The following UBE2D3 variants were observed in gnomAD, a reference collection of about 807,000 sequenced individuals.
UBE2D3 encodes the protein ubiquitin-conjugating enzyme E2 D3.
Under a neutral mutation model 22.8 loss-of-function variants are expected in UBE2D3, and 2 were observed. That is an observed-to-expected ratio of 0.09 (90% CI 0.04 to 0.28). The LOEUF (loss-of-function observed/expected upper bound fraction) is 0.28. Among genes scored for constraint, UBE2D3 ranks in the 10% least tolerant of loss-of-function variants. The pLI, the probability that UBE2D3 is intolerant of heterozygous loss-of-function variation, is 1.00. For missense variants in UBE2D3, 27 were observed against 182.5 expected (o/e 0.15, Z 4.91); for synonymous variants, 56 against 60.4 (o/e 0.93, Z 0.34).
chr4:102,814,251 CTT>C (rs1225050626), intron 2 of UBE2D3, among the ~76,000 whole-genome samples: 3 of 139,982 alleles, frequency 2.1e-5, no homozygotes, highest in Admixed American at 7.1e-5. Flanking sequence ...ATTTCAGAAG[CTT>C]TTTTTTTTTT....
chr4:102,803,539 T>C (rs1054783561), intron 4 of UBE2D3, among the ~76,000 whole-genome samples: 8 of 152,202 alleles, frequency 5.3e-5, no homozygotes, highest in African/African-American at 9.6e-5. Context: ...GTAAAATAAA[T>C]AAACATTAAT....
At chr4:102,837,715 G>C (rs1731488987) in intron 1 of UBE2D3, among the ~76,000 whole-genome samples, 1 of 152,172 alleles carries the variant, frequency 6.6e-6, no homozygotes, top group Non-Finnish European at 1.5e-5. Context: ...ACTTTGGGAG[G>C]CCAAGGCGGG....
intron 1 of UBE2D3, among the ~76,000 whole-genome samples, chr4:102,836,625 C>A (rs998707681): frequency 6.6e-6 from 1 of 152,168 alleles, no homozygotes; most frequent in Non-Finnish European, 1.5e-5. Flanking sequence ...GTGTTTTTTA[C>A]CACTTTATGG....
chr4:102,863,389 C>T (rs1320708580), intron 1 of UBE2D3, among the ~76,000 whole-genome samples: 1 of 152,018 alleles, frequency 6.6e-6, no homozygotes, highest in Admixed American at 6.6e-5. Flanking sequence ...CAGGAGCGAA[C>T]AGAGTAAGAA....
intron 2 of UBE2D3, among the ~76,000 whole-genome samples, chr4:102,820,741 A>AACAAACAAAACAAACAG (rs1729472340): frequency 6.6e-6 from 1 of 152,166 alleles, no homozygotes; most frequent in Non-Finnish European, 1.5e-5. Context: ...AAAACAAACA[A>AACAAACAAAACAAACAG]ACAAACAAAA....
In UBE2D3 at chr4:102,798,908, T is replaced by C. The variant is rs200698775; in HGVS notation, c.398+499A>G. 3.6e-4 allele frequency: 582 copies of C among 1,610,918 alleles called. 1 individual carries two copies. The African/African-American group carries it at 6.4e-3, about 18-fold the overall frequency. ...TGGCAGTACCATAATAAGCGCACCA[T>C]AGAGTGCAGATCCTCTTACCCTACA... On this transcript the variant is annotated intron_variant, in intron 7 of 7. Coordinates refer to ENST00000453744, the MANE Select transcript of UBE2D3 (RefSeq NM_181891.3).
At chr4:102,854,551 A>G (rs537973439) in intron 1 of UBE2D3, among the ~76,000 whole-genome samples, 1 of 152,200 alleles carries the variant, frequency 6.6e-6, no homozygotes, top group Non-Finnish European at 1.5e-5. Context: ...TACTTACGTA[A>G]TGCTTCTCTC....
At chr4:102,805,819 C>T (rs916594611) in intron 4 of UBE2D3, among the ~76,000 whole-genome samples, 3 of 152,140 alleles carry the variant, frequency 2.0e-5, no homozygotes, top group Admixed American at 1.3e-4. Context: ...TCATGTCATG[C>T]GTCCAAAACT....
upstream of UBE2D3, among the ~76,000 whole-genome samples, chr4:102,832,194 T>C (rs756103209): frequency 1.3e-5 from 2 of 151,824 alleles, no homozygotes; most frequent in Admixed American, 1.3e-4. Context: ...TGGAAAAAAA[T>C]TGTGAGGGAG....
chr4:102,859,986 C>T (rs922999616), intron 1 of UBE2D3, among the ~76,000 whole-genome samples: 1 of 151,940 alleles, frequency 6.6e-6, no homozygotes, highest in African/African-American at 2.4e-5. Flanking sequence ...GCTGGGACTA[C>T]AGGCACCCAC....
At chr4:102,847,015 C>A (rs1732070790) in intron 1 of UBE2D3, among the ~76,000 whole-genome samples, 1 of 152,012 alleles carries the variant, frequency 6.6e-6, no homozygotes, top group Admixed American at 6.6e-5. Flanking sequence ...TCACTGAAAG[C>A]CTCTATGCAT....
intron 2 of UBE2D3, among the ~76,000 whole-genome samples, chr4:102,817,397 G>A (rs993311512): frequency 2.0e-5 from 3 of 152,126 alleles, no homozygotes; most frequent in Admixed American, 1.3e-4. Context: ...ACCACTTTAC[G>A]GAAATAGAGC....
chr4:102,843,231 A>G (rs938952793), intron 1 of UBE2D3: 1 of 152,224 alleles, frequency 6.6e-6, no homozygotes, highest in Non-Finnish European at 1.5e-5. Flanking sequence ...GTTTCAGTGC[A>G]AGAATTACAA....
upstream of UBE2D3, among the ~76,000 whole-genome samples, chr4:102,829,353 G>A (rs1343144319): frequency 1.3e-5 from 2 of 152,148 alleles, no homozygotes; most frequent in African/African-American, 4.8e-5. Context: ...TGAATAATCT[G>A]TGTTCTCTCT....
intron 1 of UBE2D3, among the ~76,000 whole-genome samples, chr4:102,849,726 A>G (rs1169487291): frequency 2.0e-5 from 3 of 152,206 alleles, no homozygotes; most frequent in Admixed American, 1.3e-4. Flanking sequence ...TCAAAATGAG[A>G]TACCACTACA....
intron 1 of UBE2D3, among the ~76,000 whole-genome samples, chr4:102,855,764 AC>A (rs1732589132): frequency 6.6e-6 from 1 of 152,224 alleles, no homozygotes; most frequent in South Asian, 2.1e-4. Flanking sequence ...AGTGTCAGGT[AC>A]TAAGGATTCA....
chr4:102,827,124 T>C (rs959313148), intron 1 of UBE2D3: 2 of 986,500 alleles, frequency 2.0e-6, no homozygotes, highest in Non-Finnish European at 2.4e-6. Flanking sequence ...AGCTATTCTG[T>C]GTCACCCCTG....
At chr4:102,821,580 G>C (rs1013393829) in intron 2 of UBE2D3, among the ~76,000 whole-genome samples, 3 of 149,454 alleles carry the variant, frequency 2.0e-5, no homozygotes, top group Non-Finnish European at 3.0e-5. Context: ...AAATGATTTA[G>C]TAAGTCTAAG....
chr4:102,826,679 AAG>A (rs1730556385), intron 1 of UBE2D3, 43 bp from the exon 2 acceptor site: 1 of 1,503,444 alleles, frequency 6.7e-7, no homozygotes, highest in South Asian at 1.3e-5. Context: ...ACAGGCCCCG[AAG>A]AGCCCCTGAT....
Sources: allele counts gnomAD v4.1 joint callset (sites outside exome capture counted in the v4.1 genomes callset), GRCh38; gene constraint gnomAD v4.1.1; transcripts MANE v1.5; gene names NCBI Gene and HGNC (gene_info 2026-07-23, HGNC 2026-07-21).